The following CDK17 variants were observed in gnomAD, a reference collection of about 807,000 sequenced individuals.
The protein encoded by CDK17 is cyclin-dependent kinase 17.
A neutral mutation model predicts 77.6 loss-of-function variants in CDK17; 24 were observed. The ratio of observed to expected loss-of-function variants is 0.31; its 90% CI spans 0.22 to 0.44. The LOEUF (loss-of-function observed/expected upper bound fraction) is 0.44, where lower values mean the gene tolerates loss of function less well. Among genes scored for constraint, CDK17 ranks in the 20% least tolerant of loss-of-function variants. The pLI is 1.00. For missense variants in CDK17, 429 were observed against 622.5 expected, an observed-to-expected ratio of 0.69 and a Z score of 3.31; for synonymous variants, 203 against 210.4, an observed-to-expected ratio of 0.96 and a Z score of 0.30.
intron 1 of CDK17, chr12:96,387,124 C>A: frequency 3.4e-6 from 1 of 292,222 alleles, no homozygotes; most frequent in South Asian, 4.5e-5. Context: ...GTTCCATAGA[C>A]CTGTGTTCCA....
At chr12:96,398,026 TTTTA>T (rs1213061860) in intron 1 of CDK17, among the ~76,000 whole-genome samples, 1 of 152,350 alleles carries the variant, frequency 6.6e-6, no homozygotes, top group East Asian at 1.9e-4. Flanking sequence ...CAGGCTTTGC[TTTTA>T]TTTTCTTTCC....
intron 1 of CDK17, among the ~76,000 whole-genome samples, chr12:96,366,127 C>A (rs749653964): frequency 1.5e-4 from 23 of 152,172 alleles, no homozygotes; most frequent in Non-Finnish European, 2.6e-4. Flanking sequence ...GCCAAAAAGC[C>A]TCTAGCAAAT....
chr12:96,384,054 C>T lies in CDK17; in HGVS notation c.-30+15932G>A, dbSNP rs558289188. 3.4e-5 allele frequency among the ~76,000 whole-genome samples: 5 copies of T among 149,164 alleles called. No homozygotes were observed. The East Asian group carries it at 1.0e-3, about 30-fold the overall frequency. Reference sequence around the variant, plus strand: ...TCAGAATCCATACGGAACTTAAATCCACAAGAAAAAAAAAATCCCATTAAG... The same window carrying T: ...TCAGAATCCATACGGAACTTAAATCTACAAGAAAAAAAAAATCCCATTAAG... On this transcript the variant is annotated intron_variant, in intron 1 of 16. Coordinates refer to ENST00000261211, the MANE Select transcript of CDK17 (RefSeq NM_002595.5).
intron 2 of CDK17, among the ~76,000 whole-genome samples, chr12:96,328,171 A>T (rs1952915624): frequency 1.3e-5 from 2 of 152,124 alleles, no homozygotes; most frequent in Non-Finnish European, 2.9e-5. Flanking sequence ...CGAGGGATCT[A>T]GGTTGCATGC....
intron 1 of CDK17, among the ~76,000 whole-genome samples, chr12:96,369,771 A>G (rs888566604): frequency 1.3e-5 from 2 of 152,108 alleles, no homozygotes; most frequent in African/African-American, 4.8e-5. Flanking sequence ...ACTCTGTCTC[A>G]AAAATAAATA....
chr12:96,391,264 C>CG (rs1263235943), intron 1 of CDK17, among the ~76,000 whole-genome samples: 3 of 148,660 alleles, frequency 2.0e-5, no homozygotes, highest in East Asian at 2.0e-4. Flanking sequence ...GATTTTGGGG[C>CG]GGGGGGTTGT....
At chr12:96,300,030 T>C (rs953497186) in intron 6 of CDK17, among the ~76,000 whole-genome samples, 5 of 152,226 alleles carry the variant, frequency 3.3e-5, no homozygotes, top group South Asian at 4.1e-4. Flanking sequence ...AAGTGACAAA[T>C]GCCTACTTTG....
chr12:96,317,715 G>C (rs1952752068), intron 3 of CDK17, among the ~76,000 whole-genome samples: 1 of 140,236 alleles, frequency 7.1e-6, no homozygotes, highest in Non-Finnish European at 1.6e-5. Context: ...ATAAGTGAAG[G>C]AGAAATAAAA....
intron 1 of CDK17, among the ~76,000 whole-genome samples, chr12:96,387,943 T>C (rs958065820): frequency 9.3e-5 from 14 of 150,096 alleles, no homozygotes; most frequent in Non-Finnish European, 1.8e-4. Context: ...ACCTTTTCTC[T>C]AAAAAAAAAT....
intron 12 of CDK17, among the ~76,000 whole-genome samples, chr12:96,286,458 T>C (rs1202259123): frequency 6.6e-6 from 1 of 152,102 alleles, no homozygotes; most frequent in African/African-American, 2.4e-5. Context: ...TGTTTTTCCA[T>C]AAAATCTTTA....
chr12:96,378,934 G>A (rs1319268371), intron 1 of CDK17, among the ~76,000 whole-genome samples: 1 of 152,102 alleles, frequency 6.6e-6, no homozygotes, highest in Non-Finnish European at 1.5e-5. Context: ...GAAGAAATAA[G>A]ACTTCGTGTA....
intron 1 of CDK17, among the ~76,000 whole-genome samples, chr12:96,393,165 C>T (rs1357677557): frequency 6.7e-6 from 1 of 148,952 alleles, no homozygotes; most frequent in African/African-American, 2.5e-5. Flanking sequence ...GAGTTCAACA[C>T]CAGCCTGGCC....
At chr12:96,290,396 T>C (rs1325914740) in intron 10 of CDK17, among the ~76,000 whole-genome samples, 2 of 152,226 alleles carry the variant, frequency 1.3e-5, no homozygotes, top group African/African-American at 4.8e-5. Flanking sequence ...CTGTTATATA[T>C]AACTTGGTAT....
intron 1 of CDK17, among the ~76,000 whole-genome samples, chr12:96,392,780 T>G (rs541028118): frequency 1.5e-4 from 22 of 151,708 alleles, no homozygotes; most frequent in Non-Finnish European, 2.9e-4. Flanking sequence ...AATAAAGAGG[T>G]GGAGATTATT....
chr12:96,302,292 T>G (rs1400844097), intron 5 of CDK17, among the ~76,000 whole-genome samples: 1 of 152,124 alleles, frequency 6.6e-6, no homozygotes, highest in Non-Finnish European at 1.5e-5. Flanking sequence ...CATGACAGTC[T>G]GATTACGAAT....
intron 1 of CDK17, among the ~76,000 whole-genome samples, chr12:96,340,249 G>A (rs887878375): frequency 3.3e-5 from 5 of 151,984 alleles, no homozygotes; most frequent in East Asian, 3.9e-4. Context: ...AGAATAATAC[G>A]CATGGCACTT....
At chr12:96,392,075 G>A (rs1460417557) in intron 1 of CDK17, among the ~76,000 whole-genome samples, 1 of 152,108 alleles carries the variant, frequency 6.6e-6, no homozygotes, top group African/African-American at 2.4e-5. Context: ...CCTCTCTGGA[G>A]CACAACGCCA....
chr12:96,356,070 G>A (rs1029346201), intron 1 of CDK17, among the ~76,000 whole-genome samples: 1 of 152,106 alleles, frequency 6.6e-6, no homozygotes, highest in African/African-American at 2.4e-5. Context: ...AGCAATATAG[G>A]AGGCATTAAG....
intron 1 of CDK17, among the ~76,000 whole-genome samples, chr12:96,346,209 T>C (rs982717914): frequency 6.6e-6 from 1 of 151,322 alleles, no homozygotes; most frequent in Non-Finnish European, 1.5e-5. Flanking sequence ...TCCCAGCACT[T>C]TGGAAGGCGG....
Sources: allele counts gnomAD v4.1 joint callset (sites outside exome capture counted in the v4.1 genomes callset), GRCh38; gene constraint gnomAD v4.1.1; transcripts MANE v1.5; gene names NCBI Gene and HGNC (gene_info 2026-07-23, HGNC 2026-07-21).